Variants in MIB1 observed in about 807,000 individuals in gnomAD.
The protein encoded by MIB1 is MIB E3 ubiquitin protein ligase 1.
A neutral mutation model predicts 124.5 loss-of-function variants in MIB1; 278 were observed. That is an observed-to-expected ratio of 2.23 (90% CI 2.02 to 2.47). MIB1 has a LOEUF of 2.47. MIB1 is among the 30% of genes most tolerant of loss of function. The pLI, the probability that MIB1 is intolerant of heterozygous loss-of-function variation, is 0.00. For missense variants in MIB1, 957 were observed against 1,254.4 expected (o/e 0.76, Z 3.58); for synonymous variants, 446 against 429.4 (o/e 1.04, Z -0.48).
Position 21,846,943 on chromosome 18 carries a change from G to A in MIB1, c.2212-1G>A. On this transcript the variant is annotated splice_acceptor_variant, in intron 15 of 20. Coordinates refer to ENST00000261537, the MANE Select transcript of MIB1 (RefSeq NM_020774.4). LOFTEE classifies it high-confidence loss of function. ...AATCATGACTCTTTATTTTATTGCA[G>A]TTAATAATGGGACTTGGTACCCAGG... 6.2e-7 allele frequency: 1 copy of A among 1,612,308 alleles called. No individual in the cohort carries two copies.
intron 10 of MIB1, among the ~76,000 whole-genome samples, chr18:21,812,190 C>T (rs879160644): frequency 2.0e-5 from 3 of 152,066 alleles, no homozygotes; most frequent in Admixed American, 1.3e-4. Context: ...AGGGTGACGA[C>T]AAAGAGCACT....
intron 1 of MIB1, among the ~76,000 whole-genome samples, chr18:21,727,709 T>C (rs1331917468): frequency 6.6e-6 from 1 of 152,134 alleles, no homozygotes; most frequent in African/African-American, 2.4e-5. Flanking sequence ...TAAAGTGAGC[T>C]GTGAGCTGCA....
intron 1 of MIB1, among the ~76,000 whole-genome samples, chr18:21,743,120 A>G (rs144954688): frequency 1.3e-3 from 195 of 152,338 alleles, no homozygotes; most frequent in African/African-American, 4.6e-3. Context: ...GTGTATGTAC[A>G]TGACTAGAAG....
At chr18:21,805,406 G>T (rs907985448) in intron 10 of MIB1, among the ~76,000 whole-genome samples, 1 of 152,020 alleles carries the variant, frequency 6.6e-6, no homozygotes, top group Non-Finnish European at 1.5e-5. Context: ...ATAATTTGAT[G>T]TTACTTTTGC....
intron 1 of MIB1, among the ~76,000 whole-genome samples, chr18:21,731,667 G>A (rs905791320): frequency 6.7e-6 from 1 of 148,688 alleles, no homozygotes; most frequent in Non-Finnish European, 1.5e-5. Flanking sequence ...GGGAGGCAGA[G>A]CTTGCAGTGA....
intron 1 of MIB1, among the ~76,000 whole-genome samples, chr18:21,746,353 G>T (rs1299504713): frequency 6.6e-6 from 1 of 152,102 alleles, no homozygotes; most frequent in African/African-American, 2.4e-5. Flanking sequence ...TTTCTTTCAG[G>T]ACACACATGA....
At chr18:21,752,168 C>T (rs761804961) in intron 1 of MIB1, among the ~76,000 whole-genome samples, 12 of 152,154 alleles carry the variant, frequency 7.9e-5, no homozygotes, top group South Asian at 4.1e-4. Flanking sequence ...GTACTGGGGT[C>T]GTTTTATCTT....
At chr18:21,827,814 A>G (rs999662106) in intron 12 of MIB1, 4 of 152,048 alleles carry the variant, frequency 2.6e-5, no homozygotes, top group Admixed American at 2.6e-4. Context: ...TAGTCTTATT[A>G]AACAGAAAAT....
chr18:21,838,807 G>A (rs1307475314), intron 13 of MIB1, among the ~76,000 whole-genome samples: 4 of 152,162 alleles, frequency 2.6e-5, no homozygotes, highest in South Asian at 2.1e-4. Context: ...CCACTGTTAC[G>A]GAAGTATCAT....
chr18:21,734,717 C>T (rs576228668), intron 1 of MIB1, among the ~76,000 whole-genome samples: 50 of 152,154 alleles, frequency 3.3e-4, no homozygotes, highest in African/African-American at 1.2e-3. Flanking sequence ...TTAGTAGAGA[C>T]AGGGTTTCAC....
In MIB1 at chr18:21,869,643, C is replaced by G. The variant is rs1436803521; in HGVS notation, c.*4977C>G. 1.3e-5 allele frequency: 2 copies of G among 152,396 alleles called. No individual in the cohort carries two copies. Among genetic ancestry groups the G allele is most frequent in the Non-Finnish European group, 2.9e-5 (2 of 67,908 alleles). The allele number at this position is 152,396 out of a possible 1,614,324, so 9.4% of individuals were successfully genotyped here. On this transcript the variant is annotated 3_prime_UTR_variant, in exon 21 of 21. Transcript: ENST00000261537. ...AAACTGATTATTTATGGCCGTGACA[C>G]TGTTACCAGAAAAGTAATTCTAATT...
chr18:21,755,467 G>C (rs960610172), intron 1 of MIB1, among the ~76,000 whole-genome samples: 21 of 152,144 alleles, frequency 1.4e-4, no homozygotes, highest in African/African-American at 5.1e-4. Flanking sequence ...GAGTAGCTAG[G>C]ATTACAGGCG....
chr18:21,853,302 T>G (rs1221985034), intron 18 of MIB1, 84 bp downstream of exon 18: 1 of 1,030,128 alleles, frequency 9.7e-7, no homozygotes, highest in Non-Finnish European at 1.5e-6. Flanking sequence ...GTTTTTTTGC[T>G]TTTGATTTTG....
chr18:21,750,136 C>T (rs1251010245), intron 1 of MIB1, among the ~76,000 whole-genome samples: 1 of 151,726 alleles, frequency 6.6e-6, no homozygotes, highest in Non-Finnish European at 1.5e-5. Context: ...ATACTTCTTT[C>T]TTTATTTTTT....
intron 14 of MIB1, among the ~76,000 whole-genome samples, 200 bp from the exon 15 acceptor site, chr18:21,843,892 A>G (rs960652357): frequency 6.6e-6 from 1 of 152,222 alleles, no homozygotes; most frequent in Non-Finnish European, 1.5e-5. Flanking sequence ...CTAATTCAAT[A>G]TATTTAAATA....
chr18:21,760,109 A>G (rs756995915), intron 1 of MIB1, among the ~76,000 whole-genome samples: 1 of 152,214 alleles, frequency 6.6e-6, no homozygotes, highest in Non-Finnish European at 1.5e-5. Context: ...GGAAAAGGGC[A>G]TTAACTCCTT....
Position 21,858,560 on chromosome 18 carries a change from C to T in MIB1, c.2794C>T (p.Pro932Ser). The stretch of plus-strand genomic sequence containing the variant: ...CTATATTATAGCAAGTGGGAATATT[C>T]CAGTATTACAAAAGGACAAGGATAA... ...ATDDISSGNI[P>S]VLQKDKDNTN... The change falls in exon 20 of 21, where the codon CCA (proline) becomes TCA (serine). Residue 932 changes from proline (P) to serine (S), a missense_variant. Physicochemically the swap from Pro to Ser is moderately conservative, Grantham distance 74. Coordinates refer to ENST00000261537, the MANE Select transcript of MIB1 (RefSeq NM_020774.4). 1 of 1,543,822 alleles carries T rather than the reference C, an allele frequency of 6.5e-7. No homozygotes were observed. Among genetic ancestry groups the T allele is most frequent in the Non-Finnish European group, 8.9e-7 (1 of 1,119,452 alleles).
At position 21,869,197 on chromosome 18, in the gene MIB1, T is replaced by C. The variant is rs1452031904; in HGVS notation, c.*4531T>C. 1 of 152,470 alleles carries C rather than the reference T, an allele frequency of 6.6e-6. No homozygotes were observed. The highest frequency in any genetic ancestry group is 1.5e-5 in the Non-Finnish European group (1 of 67,886). The allele number at this position is 152,470 out of a possible 1,614,324, so 9.4% of individuals were successfully genotyped here. A position where few individuals can be genotyped will look rare whatever the true frequency, so the allele number is the denominator to read the frequency against. On this transcript the variant is annotated 3_prime_UTR_variant, in exon 21 of 21. Coordinates refer to ENST00000261537, the MANE Select transcript of MIB1 (RefSeq NM_020774.4). The stretch of plus-strand genomic sequence containing the variant: ...AAAATGTCTAAGAAAGGTCATATGC[T>C]GAATATTTTACTTTTCCTGTATAGT...
chr18:21,820,580 A>AT (rs925147812), intron 12 of MIB1, among the ~76,000 whole-genome samples: 1 of 151,954 alleles, frequency 6.6e-6, no homozygotes, highest in East Asian at 1.9e-4. Context: ...TCACATCTTG[A>AT]TTTTTTTTCC....
Sources: allele counts gnomAD v4.1 joint callset (sites outside exome capture counted in the v4.1 genomes callset), GRCh38; gene constraint gnomAD v4.1.1; transcripts MANE v1.5; gene names NCBI Gene and HGNC (gene_info 2026-07-23, HGNC 2026-07-21).